The following NEK7 variants were observed in gnomAD, a reference collection of about 807,000 sequenced individuals.
NEK7 encodes serine/threonine-protein kinase Nek7.
A neutral mutation model predicts 44.6 loss-of-function variants in NEK7; 18 were observed. The ratio of observed to expected loss-of-function variants is 0.40; its 90% CI spans 0.28 to 0.60. The LOEUF (loss-of-function observed/expected upper bound fraction) is 0.60. NEK7 is among the 20% of genes least tolerant of loss of function. The pLI, the probability that NEK7 is intolerant of heterozygous loss-of-function variation, is 0.38. For synonymous variants in NEK7, 130 were observed against 121.1 expected, an observed-to-expected ratio of 1.07 and a Z score of -0.48; for missense variants, 256 against 366.5, an observed-to-expected ratio of 0.70 and a Z score of 2.46.
In NEK7 at chr1:198,320,056, A is replaced by G. The variant is rs1260259934; in HGVS notation, c.*534A>G. The G allele has an allele frequency of 6.6e-6, 1 of 152,228 alleles. No homozygotes were observed. The highest frequency in any genetic ancestry group is 1.9e-4 in the East Asian group (1 of 5,200). The allele number at this position is 152,228 out of a possible 1,614,324, so 9.4% of individuals were successfully genotyped here. On this transcript the variant is annotated 3_prime_UTR_variant, in exon 10 of 10. Coordinates refer to ENST00000367385, the MANE Select transcript of NEK7 (RefSeq NM_133494.3). The stretch of plus-strand genomic sequence containing the variant: ...GATTCTTATGATAAATGTAGACACA[A>G]ACTATTTGAGAAACATTTAGAACTC...
At chr1:198,207,792 G>A (rs544891870) in intron 1 of NEK7, among the ~76,000 whole-genome samples, 88 of 152,084 alleles carry the variant, frequency 5.8e-4, no homozygotes, top group Middle Eastern at 3.4e-3. Flanking sequence ...TCTAGAAATT[G>A]TACATTAAAA....
intron 1 of NEK7, among the ~76,000 whole-genome samples, chr1:198,167,583 T>G (rs1484766860): frequency 6.6e-6 from 1 of 152,172 alleles, no homozygotes; most frequent in Non-Finnish European, 1.5e-5. Flanking sequence ...CTGTGTACTG[T>G]TCTCACCATT....
intron 1 of NEK7, 51 bp from the exon 2 acceptor site, chr1:198,232,502 G>A (rs1013098618): frequency 2.0e-5 from 17 of 833,036 alleles, no homozygotes; most frequent in Non-Finnish European, 2.7e-5. Flanking sequence ...GATGAATGAT[G>A]TGAATTGGTA....
chr1:198,237,954 T>G (rs1379211591), intron 2 of NEK7, among the ~76,000 whole-genome samples: 1 of 152,178 alleles, frequency 6.6e-6, no homozygotes, highest in African/African-American at 2.4e-5. Context: ...ATAAGCTCTC[T>G]CCCTAGTCCC....
intron 1 of NEK7, among the ~76,000 whole-genome samples, chr1:198,217,348 T>G (rs1665950813): frequency 6.6e-6 from 1 of 152,018 alleles, no homozygotes; most frequent in African/African-American, 2.4e-5. Flanking sequence ...AACCATATAA[T>G]CATCTCAGTA....
intron 3 of NEK7, among the ~76,000 whole-genome samples, chr1:198,259,518 T>C (rs1231128078): frequency 6.6e-6 from 1 of 152,198 alleles, no homozygotes; most frequent in Non-Finnish European, 1.5e-5. Flanking sequence ...TTGATTTATC[T>C]CAAATTCCTT....
At chr1:198,223,725 T>TA (rs1666134517) in intron 1 of NEK7, among the ~76,000 whole-genome samples, 1 of 152,202 alleles carries the variant, frequency 6.6e-6, no homozygotes, top group Non-Finnish European at 1.5e-5. Context: ...AAGTAAAAAT[T>TA]AGAGTTTTGG....
chr1:198,174,281 AGGCAGT>A (rs1664535541), intron 1 of NEK7, among the ~76,000 whole-genome samples: 1 of 152,142 alleles, frequency 6.6e-6, no homozygotes, highest in Non-Finnish European at 1.5e-5. Context: ...TATATTTATG[AGGCAGT>A]GGCTTTTATA....
At chr1:198,184,002 T>C (rs192745804) in intron 1 of NEK7, among the ~76,000 whole-genome samples, 67 of 152,348 alleles carry the variant, frequency 4.4e-4, no homozygotes, top group Admixed American at 1.4e-3. Context: ...TTGAACATTA[T>C]GTATGTTGGT....
chr1:198,302,716 C>T (rs1276407303), intron 9 of NEK7, among the ~76,000 whole-genome samples: 1 of 151,836 alleles, frequency 6.6e-6, no homozygotes, highest in East Asian at 1.9e-4. Flanking sequence ...GAATTTTTTT[C>T]AACTTTTGAA....
chr1:198,254,609 T>A (rs1653187473), intron 3 of NEK7, among the ~76,000 whole-genome samples: 1 of 152,218 alleles, frequency 6.6e-6, no homozygotes, highest in South Asian at 2.1e-4. Flanking sequence ...TTATTTGCTA[T>A]TACAAACAAT....
chr1:198,220,146 AG>A (rs1220566945), intron 1 of NEK7, among the ~76,000 whole-genome samples: 1 of 152,008 alleles, frequency 6.6e-6, no homozygotes, highest in Non-Finnish European at 1.5e-5. Flanking sequence ...ATTAACTCAT[AG>A]GTTCTTACTT....
At chr1:198,247,862 A>G (rs544415660) in intron 2 of NEK7, among the ~76,000 whole-genome samples, 8 of 152,340 alleles carry the variant, frequency 5.3e-5, no homozygotes, top group African/African-American at 1.9e-4. Context: ...TGTTGCCCGT[A>G]TATCAAAATA....
intron 8 of NEK7, 147 bp downstream of exon 8, chr1:198,293,186 A>G: frequency 1.9e-6 from 1 of 515,476 alleles, no homozygotes; most frequent in Non-Finnish European, 3.4e-6. Context: ...ATAACTTTGT[A>G]TAATGGAATT....
intron 3 of NEK7, among the ~76,000 whole-genome samples, chr1:198,254,255 A>G (rs889872143): frequency 3.3e-5 from 5 of 152,186 alleles, no homozygotes; most frequent in African/African-American, 1.2e-4. Context: ...AGAAATAAAC[A>G]TTAAAAATAT....
At chr1:198,192,113 TACAC>T (rs1224807717) in intron 1 of NEK7, among the ~76,000 whole-genome samples, 4 of 152,040 alleles carry the variant, frequency 2.6e-5, no homozygotes, top group Admixed American at 6.5e-5. Flanking sequence ...TATGTACAAA[TACAC>T]ATACATACTT....
chr1:198,251,745 G>A (rs1331843526), intron 2 of NEK7, among the ~76,000 whole-genome samples: 105 of 151,092 alleles, frequency 6.9e-4, no homozygotes, highest in Middle Eastern at 3.4e-3. Flanking sequence ...TTTTTATTGC[G>A]TCTATTTGAT....
intron 1 of NEK7, among the ~76,000 whole-genome samples, chr1:198,228,805 A>G (rs1030309835): frequency 3.9e-5 from 6 of 152,204 alleles, no homozygotes; most frequent in Non-Finnish European, 7.3e-5. Context: ...CAATCATGTC[A>G]TCTGCAAACA....
intron 9 of NEK7, among the ~76,000 whole-genome samples, chr1:198,314,547 TC>T (rs1655290117): frequency 1.3e-5 from 2 of 152,184 alleles, no homozygotes; most frequent in Admixed American, 1.3e-4. Flanking sequence ...CTCTGTTTTT[TC>T]CCCATCTTTG....
Sources: allele counts gnomAD v4.1 joint callset (sites outside exome capture counted in the v4.1 genomes callset), GRCh38; gene constraint gnomAD v4.1.1; transcripts MANE v1.5; gene names NCBI Gene and HGNC (gene_info 2026-07-23, HGNC 2026-07-21).